GALNT13: variants seen among roughly 807,000 people sequenced by gnomAD.
GALNT13 encodes the protein UDP-GalNAc:polypeptide N-acetylgalactosaminyltransferase 13.
Under a neutral mutation model 64.2 loss-of-function variants are expected in GALNT13, and 28 were observed. The observed-to-expected ratio is 0.44, with a 90% CI of 0.32 to 0.60. GALNT13 has a LOEUF of 0.60. Ranked by LOEUF, GALNT13 falls within the 20% of genes least tolerant of loss-of-function variation. GALNT13 has a pLI of 0.05. For missense variants in GALNT13, 577 were observed against 669.8 expected (o/e 0.86, Z 1.53); for synonymous variants, 214 against 224.6 (o/e 0.95, Z 0.42).
chr2:153,074,497 C>G, the GALNT13 span, among the ~76,000 whole-genome samples: 1 of 152,096 alleles, frequency 6.6e-6, no homozygotes, highest in Non-Finnish European at 1.5e-5. Context: ...TTATGCGAAC[C>G]TAGAAGGTGT....
chr2:153,554,705 T>A, the GALNT13 span, among the ~76,000 whole-genome samples: 1 of 149,982 alleles, frequency 6.7e-6, no homozygotes, highest in Non-Finnish European at 1.5e-5. Context: ...CACATAAGTG[T>A]GCCACACAAA....
At chr2:154,424,907 T>C (rs990649235) in intron 11 of GALNT13, among the ~76,000 whole-genome samples, 1 of 152,212 alleles carries the variant, frequency 6.6e-6, no homozygotes, top group African/African-American at 2.4e-5. Context: ...GCAGCAATAC[T>C]GACAGATGCT....
the GALNT13 span, among the ~76,000 whole-genome samples, chr2:153,192,187 C>T: frequency 6.6e-6 from 1 of 151,790 alleles, no homozygotes; most frequent in African/African-American, 2.4e-5. Flanking sequence ...TTGTTATAAA[C>T]TTCTATCTTA....
At chr2:153,129,313 A>G in the GALNT13 span, among the ~76,000 whole-genome samples, 1 of 152,184 alleles carries the variant, frequency 6.6e-6, no homozygotes, top group Non-Finnish European at 1.5e-5. Flanking sequence ...CCCTTGTGCA[A>G]GGTGCTTAGG....
chr2:153,860,621 A>T, the GALNT13 span, among the ~76,000 whole-genome samples: 1 of 152,214 alleles, frequency 6.6e-6, no homozygotes, highest in Non-Finnish European at 1.5e-5. Flanking sequence ...AGTCTTCTCC[A>T]CAGAGAGAAG....
chr2:153,327,954 G>A, the GALNT13 span, among the ~76,000 whole-genome samples: 1 of 152,212 alleles, frequency 6.6e-6, no homozygotes, highest in South Asian at 2.1e-4. Flanking sequence ...GGTCTTTGAT[G>A]TTAGTGACCT....
At chr2:153,259,926 A>C in the GALNT13 span, among the ~76,000 whole-genome samples, 1 of 151,712 alleles carries the variant, frequency 6.6e-6, no homozygotes, top group African/African-American at 2.4e-5. Flanking sequence ...TGAATTTCTC[A>C]GATGGCATGC....
chr2:154,107,461 G>A (rs1302460556), intron 3 of GALNT13, among the ~76,000 whole-genome samples: 8 of 151,516 alleles, frequency 5.3e-5, no homozygotes, highest in African/African-American at 1.5e-4. Flanking sequence ...GTAGTGGCGC[G>A]TGCGTGTAGT....
At chr2:154,093,991 A>G (rs975652901) in intron 3 of GALNT13, among the ~76,000 whole-genome samples, 1 of 151,824 alleles carries the variant, frequency 6.6e-6, no homozygotes, top group Admixed American at 6.6e-5. Context: ...GTTTTGGTGC[A>G]TATTTCCTAT....
At chr2:153,429,835 A>G in the GALNT13 span, among the ~76,000 whole-genome samples, 2 of 152,120 alleles carry the variant, frequency 1.3e-5, no homozygotes, top group Admixed American at 6.6e-5. Context: ...ACCATCACCT[A>G]TTTTTGACAA....
intron 9 of GALNT13, among the ~76,000 whole-genome samples, chr2:154,360,875 G>T (rs765428130): frequency 6.6e-6 from 1 of 152,046 alleles, no homozygotes; most frequent in Non-Finnish European, 1.5e-5. Flanking sequence ...CAGCCAAAAA[G>T]GGTTGAGGCA....
intron 4 of GALNT13, among the ~76,000 whole-genome samples, chr2:154,200,355 G>C (rs1333380293): frequency 6.6e-6 from 1 of 152,072 alleles, no homozygotes; most frequent in African/African-American, 2.4e-5. Flanking sequence ...GATATGAACT[G>C]TGGTCTGGTA....
chr2:153,776,105 C>T, the GALNT13 span, among the ~76,000 whole-genome samples: 9 of 152,258 alleles, frequency 5.9e-5, no homozygotes, highest in East Asian at 1.7e-3. Context: ...TATATCTGTT[C>T]AAACACTCTT....
rs78957048 is a variant in GALNT13, at chr2:154,335,690, C to T, written c.1156+34101C>T. On this transcript the variant is annotated intron_variant, in intron 9 of 12. Transcript: ENST00000392825. Reference sequence around the variant, plus strand: ...TATTTATGCTTCATTAATTATAACGCGTAATATTATAGGGATTAATCAAAA... The same window carrying T: ...TATTTATGCTTCATTAATTATAACGTGTAATATTATAGGGATTAATCAAAA... 3.5e-3 allele frequency among the ~76,000 whole-genome samples: 525 copies of T among 151,802 alleles called. 4 individuals carry two copies. Among genetic ancestry groups the T allele is most frequent in the African/African-American group, 9.1e-3 (377 of 41,428 alleles).
chr2:153,160,947 G>A, the GALNT13 span, among the ~76,000 whole-genome samples: 1 of 152,180 alleles, frequency 6.6e-6, no homozygotes, highest in East Asian at 1.9e-4. Context: ...GAGAATGACT[G>A]CAGGCTCTTT....
chr2:154,403,971 T>C (rs1331209833), intron 10 of GALNT13, among the ~76,000 whole-genome samples: 1 of 152,232 alleles, frequency 6.6e-6, no homozygotes, highest in Non-Finnish European at 1.5e-5. Flanking sequence ...GGTTGGCACA[T>C]ACAATTCAAA....
At chr2:153,634,734 A>G in the GALNT13 span, among the ~76,000 whole-genome samples, 1 of 151,618 alleles carries the variant, frequency 6.6e-6, no homozygotes, top group African/African-American at 2.4e-5. Context: ...TATTTTTAGT[A>G]GAGACGGGGT....
intron 4 of GALNT13, among the ~76,000 whole-genome samples, chr2:154,191,485 A>G (rs1221649583): frequency 2.6e-5 from 4 of 152,222 alleles, no homozygotes; most frequent in Admixed American, 6.5e-5. Context: ...CATCAACTGT[A>G]GGAAGAGAAA....
At chr2:154,276,304 C>T (rs1691650700) in intron 8 of GALNT13, among the ~76,000 whole-genome samples, 1 of 151,980 alleles carries the variant, frequency 6.6e-6, no homozygotes, top group Non-Finnish European at 1.5e-5. Context: ...ACTGCAACCT[C>T]CTTTTCCTGG....
Sources: allele counts gnomAD v4.1 joint callset (sites outside exome capture counted in the v4.1 genomes callset), GRCh38; gene constraint gnomAD v4.1.1; transcripts MANE v1.5; gene names NCBI Gene and HGNC (gene_info 2026-07-23, HGNC 2026-07-21).